The following ZNF804B variants were observed in gnomAD, a reference collection of about 807,000 sequenced individuals.
The protein encoded by ZNF804B is zinc finger protein 804B.
A neutral mutation model predicts 101.4 loss-of-function variants in ZNF804B; 80 were observed. The ratio of observed to expected loss-of-function variants is 0.79; its 90% CI spans 0.66 to 0.95. The LOEUF is 0.95. ZNF804B is among the 40% of genes least tolerant of loss of function. The probability of loss-of-function intolerance (pLI) is 0.00; values close to 1 mark genes in which losing one functional copy is unlikely to be tolerated. For missense variants in ZNF804B, 1,673 were observed against 1,561.9 expected (o/e 1.07, Z -1.20); for synonymous variants, 622 against 558.8 (o/e 1.11, Z -1.59).
chr7:89,272,620 C>A lies in ZNF804B; in HGVS notation c.249+54325C>A, dbSNP rs115780966. 2.9e-4 allele frequency among the ~76,000 whole-genome samples: 44 copies of A among 152,124 alleles called. 1 individual carries two copies. The East Asian group carries it at 8.3e-3, about 29-fold the overall frequency. On this transcript the variant is annotated intron_variant, in intron 2 of 3. Transcript: ENST00000333190. ...ATTTCACAAAATAACTAAGTTTTCCCGCTACCCCTTTATGTTCCTGTCACT... is the reference window on the plus strand; with the variant it reads ...ATTTCACAAAATAACTAAGTTTTCCAGCTACCCCTTTATGTTCCTGTCACT...
At chr7:89,162,159 T>C (rs1054192822) in intron 1 of ZNF804B, among the ~76,000 whole-genome samples, 1 of 152,176 alleles carries the variant, frequency 6.6e-6, no homozygotes, top group Non-Finnish European at 1.5e-5. Flanking sequence ...AATGGGAATA[T>C]AATTTGCTAC....
At chr7:88,969,545 C>T (rs921906338) in intron 1 of ZNF804B, among the ~76,000 whole-genome samples, 12 of 151,582 alleles carry the variant, frequency 7.9e-5, no homozygotes, top group Middle Eastern at 3.4e-3. Context: ...TTTTTTCTTC[C>T]ATCCCCACTC....
chr7:88,998,694 G>A (rs1326886422), intron 1 of ZNF804B, among the ~76,000 whole-genome samples: 1 of 151,916 alleles, frequency 6.6e-6, no homozygotes, highest in African/African-American at 2.4e-5. Context: ...AGAAATTGAT[G>A]GTAATGTCAC....
At chr7:88,958,232 C>T (rs1217855677) in intron 1 of ZNF804B, among the ~76,000 whole-genome samples, 2 of 151,260 alleles carry the variant, frequency 1.3e-5, no homozygotes, top group African/African-American at 4.8e-5. Flanking sequence ...GTTTTTATTT[C>T]TCTCATAGGA....
At chr7:89,010,239 C>T (rs1281908254) in intron 1 of ZNF804B, among the ~76,000 whole-genome samples, 1 of 152,084 alleles carries the variant, frequency 6.6e-6, no homozygotes, top group Non-Finnish European at 1.5e-5. Flanking sequence ...ATAACTGACA[C>T]TCAGAGAAGT....
intron 1 of ZNF804B, among the ~76,000 whole-genome samples, chr7:89,107,673 T>C (rs1220046313): frequency 3.3e-5 from 5 of 152,138 alleles, no homozygotes; most frequent in Non-Finnish European, 7.4e-5. Flanking sequence ...TGCATTCTTT[T>C]CCTTTACCCG....
At chr7:88,961,794 CCAG>C (rs1562844692) in intron 1 of ZNF804B, among the ~76,000 whole-genome samples, 1 of 151,298 alleles carries the variant, frequency 6.6e-6, no homozygotes, top group African/African-American at 2.4e-5. Flanking sequence ...GCAATTTACA[CCAG>C]AGGATGAAAG....
chr7:89,254,382 A>G (rs1335160282), intron 2 of ZNF804B, among the ~76,000 whole-genome samples: 1 of 151,950 alleles, frequency 6.6e-6, no homozygotes, highest in Admixed American at 6.6e-5. Flanking sequence ...ATGCCTAATA[A>G]TTAAACTACC....
intron 1 of ZNF804B, among the ~76,000 whole-genome samples, chr7:89,189,276 T>C (rs1788420769): frequency 6.6e-6 from 1 of 152,116 alleles, no homozygotes; most frequent in Non-Finnish European, 1.5e-5. Context: ...AAAAAAAAGA[T>C]TAATTTCAAA....
intron 1 of ZNF804B, among the ~76,000 whole-genome samples, chr7:89,010,281 A>G (rs1788436028): frequency 6.6e-6 from 1 of 152,192 alleles, no homozygotes; most frequent in South Asian, 2.1e-4. Flanking sequence ...TTCACAGCCT[A>G]TAAGGGACAG....
chr7:89,047,327 A>G (rs775440684), intron 1 of ZNF804B, among the ~76,000 whole-genome samples: 2 of 152,200 alleles, frequency 1.3e-5, no homozygotes, highest in Admixed American at 6.5e-5. Flanking sequence ...CTTTCACCAG[A>G]TTATAGGGAA....
intron 1 of ZNF804B, among the ~76,000 whole-genome samples, chr7:89,163,045 T>A (rs1224068254): frequency 2.0e-5 from 3 of 152,066 alleles, no homozygotes; most frequent in Non-Finnish European, 4.4e-5. Flanking sequence ...GGTGTATATG[T>A]GCCACATTTT....
chr7:88,972,725 A>G (rs1417940030), intron 1 of ZNF804B, among the ~76,000 whole-genome samples: 1 of 151,442 alleles, frequency 6.6e-6, no homozygotes, highest in South Asian at 2.1e-4. Context: ...TCTCTACACT[A>G]TTTGAAGATT....
At chr7:88,773,007 C>T (rs1320064301) in intron 1 of ZNF804B, among the ~76,000 whole-genome samples, 2 of 152,130 alleles carry the variant, frequency 1.3e-5, no homozygotes, top group African/African-American at 4.8e-5. Flanking sequence ...CTTAGATGGA[C>T]CATGAACAGG....
At chr7:89,174,356 T>C (rs1791286104) in intron 1 of ZNF804B, among the ~76,000 whole-genome samples, 1 of 152,080 alleles carries the variant, frequency 6.6e-6, no homozygotes, top group South Asian at 2.1e-4. Flanking sequence ...AAATTTGTTT[T>C]TGTGTGCCTT....
chr7:89,279,557 A>G (rs762641305), intron 2 of ZNF804B, among the ~76,000 whole-genome samples: 3 of 151,986 alleles, frequency 2.0e-5, no homozygotes, highest in Admixed American at 6.6e-5. Context: ...AGTTTTTAGC[A>G]TGAAGCGTTG....
At chr7:89,159,673 A>G (rs1791029861) in intron 1 of ZNF804B, among the ~76,000 whole-genome samples, 1 of 152,132 alleles carries the variant, frequency 6.6e-6, no homozygotes, top group Admixed American at 6.6e-5. Flanking sequence ...CCAATATTTA[A>G]CACATTAAAT....
intron 2 of ZNF804B, among the ~76,000 whole-genome samples, chr7:89,258,741 G>T (rs571596540): frequency 1.3e-5 from 2 of 151,934 alleles, no homozygotes; most frequent in South Asian, 4.2e-4. Context: ...ATTATGTACT[G>T]TATTCTTACA....
In ZNF804B at chr7:89,334,737, C is replaced by G; in HGVS notation, c.1755C>G (p.Asn585Lys). Residue 585 changes from asparagine (N) to lysine (K), a missense_variant, in exon 4 of 4, where the codon AAC becomes AAG. Coordinates refer to ENST00000333190, the MANE Select transcript of ZNF804B (RefSeq NM_181646.5). ...MKNPKVPLYL[N>K]TSLKDCAGKN... Reference sequence around the variant, plus strand: ...ATCCTAAAGTGCCTCTTTACCTCAACACATCTCTAAAGGATTGTGCTGGAA... The same window carrying G: ...ATCCTAAAGTGCCTCTTTACCTCAAGACATCTCTAAAGGATTGTGCTGGAA... 1 of 1,613,728 alleles carries G rather than the reference C, an allele frequency of 6.2e-7. No individual in the cohort carries two copies. Among genetic ancestry groups the G allele is most frequent in the Non-Finnish European group, 8.5e-7 (1 of 1,179,826 alleles).
Sources: gnomAD v4.1 joint callset for allele counts (sites outside exome capture counted in the v4.1 genomes callset) on GRCh38, gnomAD v4.1.1 for gene constraint, MANE v1.5 for transcripts, NCBI Gene and HGNC (gene_info 2026-07-23, HGNC 2026-07-21) for gene names.